Variants in IQSEC1 observed in about 807,000 individuals in gnomAD.
The protein encoded by IQSEC1 is IQ motif and Sec7 domain ArfGEF 1.
IQSEC1 carries 31 observed loss-of-function variants against 91.0 expected under a neutral mutation model. The observed-to-expected ratio is 0.34, with a 90% CI of 0.26 to 0.46. The LOEUF is 0.46. Ranked by LOEUF, IQSEC1 falls within the 20% of genes least tolerant of loss-of-function variation. The pLI, the probability that IQSEC1 is intolerant of heterozygous loss-of-function variation, is 1.00. For missense variants in IQSEC1, 1,388 were observed against 1,575.6 expected (o/e 0.88, Z 2.02); for synonymous variants, 699 against 662.6 (o/e 1.05, Z -0.84).
intron 2 of IQSEC1, among the ~76,000 whole-genome samples, chr3:13,117,431 G>T (rs1479610975): frequency 6.7e-6 from 1 of 149,894 alleles, no homozygotes; most frequent in Non-Finnish European, 1.5e-5. Flanking sequence ...CTAAAAATAC[G>T]AAAAATTAAC....
At position 13,073,226 on chromosome 3, in the gene IQSEC1, C is replaced by A; in HGVS notation, c.-212G>T. 6 of 617,762 alleles carry A rather than the reference C, an allele frequency of 9.7e-6. No homozygotes were observed. Among genetic ancestry groups the A allele is most frequent in the Non-Finnish European group, 1.7e-5 (6 of 349,552 alleles). The allele number at this position is 617,762 out of a possible 1,614,324, so 38.3% of individuals were successfully genotyped here. ...AGCAGCGGGCTGTGGAGGGCCCTGG[C>A]ACGTAGCGCGCGCTCACACCGTGCC... is the stretch of plus-strand genomic sequence containing the variant. On this transcript the variant is annotated 5_prime_UTR_variant, in exon 1 of 14. Transcript: ENST00000613206.
chr3:12,936,897 TTAAAA>T (rs1247442702), intron 2 of IQSEC1, among the ~76,000 whole-genome samples, 200 bp from the exon 3 acceptor site: 1 of 152,064 alleles, frequency 6.6e-6, no homozygotes, highest in African/African-American at 2.4e-5. Flanking sequence ...AAGCACCAAG[TTAAAA>T]TGAGTGCAAC....
intron 2 of IQSEC1, among the ~76,000 whole-genome samples, chr3:13,157,765 G>A (rs1030779636): frequency 2.6e-5 from 4 of 152,168 alleles, no homozygotes; most frequent in South Asian, 4.1e-4. Flanking sequence ...GAGCAGCCGC[G>A]TCTCCACAGA....
At chr3:13,161,226 G>C (rs1399935484) in intron 2 of IQSEC1, among the ~76,000 whole-genome samples, 1 of 152,198 alleles carries the variant, frequency 6.6e-6, no homozygotes, top group Non-Finnish European at 1.5e-5. Context: ...GCGCAGCTGC[G>C]CTGGTAGGGG....
intron 2 of IQSEC1, among the ~76,000 whole-genome samples, chr3:13,115,731 C>G (rs537145487): frequency 6.6e-6 from 1 of 152,350 alleles, no homozygotes; most frequent in East Asian, 1.9e-4. Context: ...ACCAGACCCT[C>G]TCCGGGCGCT....
chr3:13,057,892 C>T (rs1704933185), intron 1 of IQSEC1, among the ~76,000 whole-genome samples: 1 of 152,278 alleles, frequency 6.6e-6, no homozygotes, highest in South Asian at 2.1e-4. Context: ...AATCTGCCCC[C>T]AGGCTCCCTG....
intron 1 of IQSEC1, among the ~76,000 whole-genome samples, chr3:13,170,367 T>C (rs532664886): frequency 2.6e-5 from 4 of 152,374 alleles, no homozygotes; most frequent in African/African-American, 9.6e-5. Flanking sequence ...GGCAGGGCCC[T>C]CATGCAGAAC....
At chr3:13,016,294 C>T (rs982649926) in intron 1 of IQSEC1, among the ~76,000 whole-genome samples, 1 of 152,228 alleles carries the variant, frequency 6.6e-6, no homozygotes, top group Non-Finnish European at 1.5e-5. Flanking sequence ...CCACTGCAAC[C>T]GCCAGCCAGT....
chr3:13,191,497 T>A (rs2125034545), intron 1 of IQSEC1, among the ~76,000 whole-genome samples: 1 of 144,300 alleles, frequency 6.9e-6, no homozygotes, highest in African/African-American at 2.6e-5. Context: ...TTTTTTTTTT[T>A]TTTTTTTTTT....
intron 1 of IQSEC1, among the ~76,000 whole-genome samples, chr3:13,029,515 G>A (rs1415309578): frequency 1.3e-5 from 2 of 152,184 alleles, no homozygotes; most frequent in African/African-American, 4.8e-5. Context: ...TGCAGGCTGT[G>A]CCTATTCACT....
chr3:13,028,165 G>A (rs1468829322), intron 1 of IQSEC1, among the ~76,000 whole-genome samples: 1 of 152,170 alleles, frequency 6.6e-6, no homozygotes, highest in African/African-American at 2.4e-5. Context: ...CATTTCTCAC[G>A]CCTCAAGCAT....
chr3:12,913,695 T>C (rs1695791732), intron 8 of IQSEC1, 142 bp from the exon 9 acceptor site: 2 of 684,864 alleles, frequency 2.9e-6, no homozygotes, highest in Non-Finnish European at 4.6e-6. Context: ...CTCACAGACA[T>C]TGAAGAGCAG....
Position 12,941,700 on chromosome 3 carries a change from C to G in IQSEC1, c.189G>C (p.Gln63His), listed in dbSNP as rs1450423723. 6.2e-7 allele frequency: 1 copy of G among 1,612,820 alleles called. No homozygotes were observed. Among genetic ancestry groups the G allele is most frequent in the Non-Finnish European group, 8.5e-7 (1 of 1,179,980 alleles). The change falls in exon 2 of 14, where the codon CAG (glutamine) becomes CAC (histidine). Residue 63 changes from glutamine (Q) to histidine (H), a missense_variant. Physicochemically the swap from Gln to His is conservative, Grantham distance 24. This residue lies in a region of IQSEC1 where 1,059 missense variants were observed against 1,317.8 expected (regional missense o/e 0.80). Transcript: ENST00000613206. ...GLYSGPPGQQQRTRRPKLQHS... is the reference protein window; with the variant it reads ...GLYSGPPGQQHRTRRPKLQHS... The stretch of plus-strand genomic sequence containing the variant: ...GCTGCAGCTTGGGCCTCCGCGTGCG[C>G]TGCTGTTGCCCCGGCGGCCCCGAGT...
intron 1 of IQSEC1, among the ~76,000 whole-genome samples, chr3:13,185,140 G>A (rs1250354946): frequency 6.6e-6 from 1 of 152,200 alleles, no homozygotes; most frequent in Non-Finnish European, 1.5e-5. Flanking sequence ...CTTTTGGGCA[G>A]GGAAACTAGG....
chr3:13,027,305 T>C (rs1333196257), intron 1 of IQSEC1, among the ~76,000 whole-genome samples: 1 of 152,132 alleles, frequency 6.6e-6, no homozygotes, highest in East Asian at 1.9e-4. Context: ...TAATATCCAG[T>C]GCGCAGGCAG....
intron 1 of IQSEC1, among the ~76,000 whole-genome samples, chr3:12,977,986 T>C (rs1251303070): frequency 6.6e-6 from 1 of 152,182 alleles, no homozygotes; most frequent in Non-Finnish European, 1.5e-5. Context: ...CAGCATACCT[T>C]CCCACCTACT....
chr3:13,024,637 ATCCG>A (rs1377368388), intron 1 of IQSEC1, among the ~76,000 whole-genome samples: 1 of 142,214 alleles, frequency 7.0e-6, no homozygotes, highest in Non-Finnish European at 1.5e-5. Flanking sequence ...CCATCCACCC[ATCCG>A]TCCATCATCC....
At chr3:12,913,983 C>G (rs1298416242) in intron 8 of IQSEC1, among the ~76,000 whole-genome samples, 5 of 152,186 alleles carry the variant, frequency 3.3e-5, no homozygotes, top group Admixed American at 3.3e-4. Flanking sequence ...AGAATCTGCT[C>G]TAGATGAGGA....
intron 1 of IQSEC1, among the ~76,000 whole-genome samples, chr3:13,046,505 A>G (rs1441469123): frequency 2.6e-5 from 4 of 152,146 alleles, no homozygotes; most frequent in African/African-American, 9.7e-5. Flanking sequence ...CAACCCTGAC[A>G]CGTGGGGCCC....
Sources: allele counts gnomAD v4.1 joint callset (sites outside exome capture counted in the v4.1 genomes callset), GRCh38; gene constraint gnomAD v4.1.1; regional missense constraint gnomAD v4.1.1; transcripts MANE v1.5; gene names NCBI Gene and HGNC (gene_info 2026-07-23, HGNC 2026-07-21).